The following FSTL4 variants were observed in gnomAD, a reference collection of about 807,000 sequenced individuals.
FSTL4 encodes the protein follistatin-related protein 4.
FSTL4 carries 28 observed loss-of-function variants against 78.2 expected under a neutral mutation model. That is an observed-to-expected ratio of 0.36 (90% CI 0.27 to 0.49). The LOEUF (loss-of-function observed/expected upper bound fraction) is 0.49, where lower values mean the gene tolerates loss of function less well. Ranked by LOEUF, FSTL4 falls within the 20% of genes least tolerant of loss-of-function variation. The probability of loss-of-function intolerance (pLI) is 0.98; values close to 1 mark genes in which losing one functional copy is unlikely to be tolerated. For missense variants in FSTL4, 922 were observed against 1,084.9 expected, an observed-to-expected ratio of 0.85 and a Z score of 2.11; for synonymous variants, 422 against 440.5, an observed-to-expected ratio of 0.96 and a Z score of 0.53.
At chr5:133,417,579 C>T (rs1756600697) in intron 3 of FSTL4, among the ~76,000 whole-genome samples, 1 of 152,104 alleles carries the variant, frequency 6.6e-6, no homozygotes, top group African/African-American at 2.4e-5. Context: ...AAATTATTAT[C>T]TAACAACTGA....
At chr5:133,822,071 A>G in the FSTL4 span, among the ~76,000 whole-genome samples, 1 of 152,208 alleles carries the variant, frequency 6.6e-6, no homozygotes, top group Non-Finnish European at 1.5e-5. Context: ...GCATTGCAAG[A>G]ACAAAGAGAA....
intron 12 of FSTL4, among the ~76,000 whole-genome samples, chr5:133,217,865 G>A (rs951134983): frequency 5.3e-5 from 8 of 151,988 alleles, no homozygotes; most frequent in Admixed American, 6.6e-5. Context: ...CTCCCTCGGC[G>A]GCTGATCCTC....
intron 3 of FSTL4, among the ~76,000 whole-genome samples, chr5:133,560,898 A>G (rs35911011): frequency 6.6e-6 from 1 of 150,810 alleles, no homozygotes; most frequent in South Asian, 2.1e-4. Flanking sequence ...CATCCTGGCT[A>G]ACACAGTGAA....
chr5:133,774,184 C>T, the FSTL4 span, among the ~76,000 whole-genome samples: 1 of 152,148 alleles, frequency 6.6e-6, no homozygotes, highest in African/African-American at 2.4e-5. Context: ...AGGAGTTTCT[C>T]ATCATCTGTA....
chr5:133,700,305 A>G, the FSTL4 span, among the ~76,000 whole-genome samples: 3 of 147,492 alleles, frequency 2.0e-5, no homozygotes, highest in Non-Finnish European at 4.4e-5. Context: ...CCACCACACC[A>G]AAACATCACA....
chr5:133,200,414 A>G (rs1393514329), intron 15 of FSTL4, among the ~76,000 whole-genome samples: 1 of 152,222 alleles, frequency 6.6e-6, no homozygotes, highest in African/African-American at 2.4e-5. Flanking sequence ...GGGGTTGAGG[A>G]CAGCTTTTCC....
chr5:133,444,272 C>T lies in FSTL4; in HGVS notation c.161-43286G>A, dbSNP rs886302304. On this transcript the variant is annotated intron_variant, in intron 3 of 15. Coordinates refer to ENST00000265342, the MANE Select transcript of FSTL4 (RefSeq NM_015082.2). ...CCATGGGAGGATTCGCCCTCCAGAC[C>T]GTTCATGATTTCATGATGGTTAGAA... 3.9e-5 allele frequency among the ~76,000 whole-genome samples: 6 copies of T among 152,350 alleles called. No individual in the cohort carries two copies. The South Asian group carries it at 1.0e-3, about 26-fold the overall frequency.
chr5:133,836,263 A>G, the FSTL4 span, among the ~76,000 whole-genome samples: 1 of 151,972 alleles, frequency 6.6e-6, no homozygotes, highest in African/African-American at 2.4e-5. Flanking sequence ...CCTCTTTTGG[A>G]TCAAGTATTT....
intron 2 of FSTL4, among the ~76,000 whole-genome samples, chr5:133,578,093 A>C (rs1348865673): frequency 6.6e-6 from 1 of 152,258 alleles, no homozygotes; most frequent in African/African-American, 2.4e-5. Flanking sequence ...GAGAGTTTAA[A>C]GGGAGGTTTA....
chr5:133,397,993 A>G (rs1441148569), intron 4 of FSTL4, among the ~76,000 whole-genome samples: 1 of 152,138 alleles, frequency 6.6e-6, no homozygotes, highest in Non-Finnish European at 1.5e-5. Context: ...TTCTGCTGCC[A>G]TTGTGGGGTG....
intron 3 of FSTL4, among the ~76,000 whole-genome samples, chr5:133,411,348 G>A (rs1580691733): frequency 6.6e-6 from 1 of 152,106 alleles, no homozygotes; most frequent in East Asian, 1.9e-4. Flanking sequence ...AAGGCTTTTG[G>A]GGGAACTATG....
intron 4 of FSTL4, among the ~76,000 whole-genome samples, chr5:133,385,066 A>G (rs977003993): frequency 6.6e-6 from 1 of 151,520 alleles, no homozygotes; most frequent in African/African-American, 2.4e-5. Flanking sequence ...CGCGCTCCCC[A>G]CCCTGGTTTA....
chr5:133,705,849 ACACG>A, the FSTL4 span, among the ~76,000 whole-genome samples: 1 of 137,248 alleles, frequency 7.3e-6, no homozygotes, highest in African/African-American at 3.1e-5. Context: ...ACACACACAC[ACACG>A]CGCGCACACA....
chr5:133,534,901 G>A (rs74436073), intron 3 of FSTL4, among the ~76,000 whole-genome samples: 13,938 of 152,104 alleles, frequency 0.092, 785 homozygotes, highest in Non-Finnish European at 0.12. Flanking sequence ...GAGCCAACCT[G>A]CCTCTTAATG....
At chr5:133,380,364 C>T (rs1755539394) in intron 4 of FSTL4, among the ~76,000 whole-genome samples, 1 of 151,826 alleles carries the variant, frequency 6.6e-6, no homozygotes, top group South Asian at 2.1e-4. Flanking sequence ...GATATTACTA[C>T]TGACTTTACA....
At chr5:133,791,620 C>A in the FSTL4 span, among the ~76,000 whole-genome samples, 1 of 152,210 alleles carries the variant, frequency 6.6e-6, no homozygotes, top group Non-Finnish European at 1.5e-5. Context: ...GTGTTTCCAG[C>A]CACTTTCCCT....
At chr5:133,647,686 C>T in the FSTL4 span, among the ~76,000 whole-genome samples, 2 of 152,176 alleles carry the variant, frequency 1.3e-5, no homozygotes, top group South Asian at 2.1e-4. Context: ...TATTTCTCAT[C>T]GGAAATCCAG....
the FSTL4 span, among the ~76,000 whole-genome samples, chr5:133,790,638 A>G: frequency 5.9e-5 from 9 of 152,142 alleles, no homozygotes; most frequent in African/African-American, 2.2e-4. Flanking sequence ...AGATGTCAAC[A>G]GGCATCTCAG....
chr5:133,237,310 C>T (rs984436229), intron 7 of FSTL4, among the ~76,000 whole-genome samples: 9 of 152,204 alleles, frequency 5.9e-5, no homozygotes, highest in South Asian at 4.1e-4. Flanking sequence ...AAAAGCCCAT[C>T]GCGCATGGAT....
Sources: gnomAD v4.1 joint callset for allele counts (sites outside exome capture counted in the v4.1 genomes callset) on GRCh38, gnomAD v4.1.1 for gene constraint, MANE v1.5 for transcripts, NCBI Gene and HGNC (gene_info 2026-07-23, HGNC 2026-07-21) for gene names.